The following ZHX2 variants were observed in gnomAD, a reference collection of about 807,000 sequenced individuals.
ZHX2 encodes zinc fingers and homeoboxes 2.
Under a neutral mutation model 21.9 loss-of-function variants are expected in ZHX2, and 6 were observed. The ratio of observed to expected loss-of-function variants is 0.27; its 90% CI spans 0.15 to 0.54. The LOEUF (loss-of-function observed/expected upper bound fraction) is 0.54. ZHX2 is among the 20% of genes least tolerant of loss of function. The probability of loss-of-function intolerance (pLI) is 0.95; values close to 1 mark genes in which losing one functional copy is unlikely to be tolerated. For missense variants in ZHX2, 908 were observed against 1,090.7 expected (o/e 0.83, Z 2.36); for synonymous variants, 434 against 437.1 (o/e 0.99, Z 0.09).
At chr8:122,885,049 G>T (rs1819807127) in intron 2 of ZHX2, among the ~76,000 whole-genome samples, 1 of 152,222 alleles carries the variant, frequency 6.6e-6, no homozygotes, top group African/African-American at 2.4e-5. Flanking sequence ...GGCAAGAGGT[G>T]ACGATGGCTT....
intron 1 of ZHX2, among the ~76,000 whole-genome samples, chr8:122,811,503 G>A (rs758806173): frequency 1.3e-5 from 2 of 152,218 alleles, no homozygotes; most frequent in African/African-American, 4.8e-5. Context: ...TCCACGCCAT[G>A]GAAGAACCAG....
chr8:122,939,305 C>T (rs528369456), intron 2 of ZHX2, among the ~76,000 whole-genome samples: 1 of 152,334 alleles, frequency 6.6e-6, no homozygotes, highest in Admixed American at 6.5e-5. Context: ...GCACGTCTCC[C>T]ACTCAGGAGC....
At chr8:122,928,347 T>C (rs778864634) in intron 2 of ZHX2, among the ~76,000 whole-genome samples, 3 of 152,316 alleles carry the variant, frequency 2.0e-5, no homozygotes, top group East Asian at 3.9e-4. Context: ...GGGGTCTGTC[T>C]GGCAAATCAT....
intron 1 of ZHX2, among the ~76,000 whole-genome samples, chr8:122,839,525 A>G (rs1270215347): frequency 6.6e-6 from 1 of 152,142 alleles, no homozygotes; most frequent in East Asian, 1.9e-4. Flanking sequence ...AAGAACCTCA[A>G]TGATATGTTT....
At chr8:122,884,186 A>G (rs75156433) in intron 2 of ZHX2, among the ~76,000 whole-genome samples, 3,091 of 152,334 alleles carry the variant, frequency 0.02, 59 homozygotes, top group Middle Eastern at 0.044. Context: ...CAGTCAAAAT[A>G]CAGTATCCTA....
At chr8:122,920,758 G>T (rs1293865421) in intron 2 of ZHX2, among the ~76,000 whole-genome samples, 1 of 152,192 alleles carries the variant, frequency 6.6e-6, no homozygotes, top group Non-Finnish European at 1.5e-5. Context: ...GAATAGAAAT[G>T]AGAGGTAGAG....
chr8:122,828,265 G>A lies in ZHX2; in HGVS notation c.-282-35212G>A, dbSNP rs1818303656. ...AAGCACAGACCTAGGGCTTAGGAGA[G>A]GAATGAAACAAAAATTCCTGTTTCT... On this transcript the variant is annotated intron_variant, in intron 1 of 3. Coordinates refer to ENST00000314393, the MANE Select transcript of ZHX2 (RefSeq NM_014943.5). This position sits in a 1 kb window ranked among gnomAD's most constrained non-coding sequence, Gnocchi z 5.2. Among the ~76,000 whole-genome samples the A allele has an allele frequency of 6.6e-6, 1 of 152,146 alleles. No homozygotes were observed. Among genetic ancestry groups the A allele is most frequent in the African/African-American group, 2.4e-5 (1 of 41,424 alleles).
intron 1 of ZHX2, among the ~76,000 whole-genome samples, chr8:122,850,023 C>A (rs190776762): frequency 1.1e-3 from 167 of 152,348 alleles, no homozygotes; most frequent in Admixed American, 3.8e-3. Context: ...AAAATTAACT[C>A]TTGACTCTTT....
chr8:122,805,623 T>C (rs1265912238), intron 1 of ZHX2, among the ~76,000 whole-genome samples: 17 of 152,128 alleles, frequency 1.1e-4, no homozygotes, highest in Admixed American at 9.8e-4. Flanking sequence ...ATGCCAGGTT[T>C]AAAAGTTCAA....
At chr8:122,941,856 G>C (rs1028632370) in intron 2 of ZHX2, among the ~76,000 whole-genome samples, 2 of 152,160 alleles carry the variant, frequency 1.3e-5, no homozygotes, top group Admixed American at 1.3e-4. Flanking sequence ...GGAGGCTTGG[G>C]TGTAGTAACT....
intron 3 of ZHX2, among the ~76,000 whole-genome samples, chr8:122,963,976 G>A (rs1813519413): frequency 6.6e-6 from 1 of 151,988 alleles, no homozygotes; most frequent in South Asian, 2.1e-4. Flanking sequence ...GTATGGTAGT[G>A]CCACTGATTT....
intron 2 of ZHX2, among the ~76,000 whole-genome samples, chr8:122,907,226 G>A (rs1008499532): frequency 3.6e-4 from 55 of 152,136 alleles, no homozygotes; most frequent in African/African-American, 1.3e-3. Context: ...GATGACATGT[G>A]CCTAAGGTGG....
intron 1 of ZHX2, among the ~76,000 whole-genome samples, chr8:122,849,038 A>C (rs185576155): frequency 6.6e-6 from 1 of 152,210 alleles, no homozygotes; most frequent in African/African-American, 2.4e-5. Flanking sequence ...TAGAATTCTC[A>C]GCAAAGCCCT....
intron 2 of ZHX2, among the ~76,000 whole-genome samples, chr8:122,876,477 G>A (rs778376766): frequency 7.2e-5 from 11 of 152,092 alleles, no homozygotes; most frequent in Admixed American, 6.5e-5. Flanking sequence ...TAGAGGGTCC[G>A]CCAGGACATT....
intron 2 of ZHX2, among the ~76,000 whole-genome samples, chr8:122,903,705 T>C (rs151133434): frequency 6.0e-4 from 91 of 152,184 alleles, no homozygotes; most frequent in African/African-American, 2.0e-3. Context: ...GGGAGTGGCG[T>C]GTTGTTCTGG....
chr8:122,952,018 C>T lies in ZHX2; in HGVS notation c.508C>T (p.Pro170Ser), dbSNP rs372944259. 6.8e-6 allele frequency: 11 copies of T among 1,613,538 alleles called. No homozygotes were observed. In the African/African-American group the frequency reaches 1.2e-4, roughly 18 times the overall value. The change falls in exon 3 of 4, where the codon CCT becomes TCT. Residue 170 changes from proline (P) to serine (S), a missense_variant. By Grantham distance (74) the Pro-to-Ser change is moderately conservative. Coordinates refer to ENST00000314393, the MANE Select transcript of ZHX2 (RefSeq NM_014943.5). This position sits in a 1 kb window ranked among gnomAD's most constrained non-coding sequence, Gnocchi z 6.9. ...TGTCGTGTCCATCACCACCAGTGGCCCTGGAACTGGTGACAGTGATTCTGG... is the reference window on the plus strand; with the variant it reads ...TGTCGTGTCCATCACCACCAGTGGCTCTGGAACTGGTGACAGTGATTCTGG... ...NHVVSITTSG[P>S]GTGDSDSGIS... is the part of the protein sequence containing the mutation.
At chr8:122,825,771 G>A (rs985827105) in intron 1 of ZHX2, among the ~76,000 whole-genome samples, 16 of 152,266 alleles carry the variant, frequency 1.1e-4, no homozygotes, top group African/African-American at 3.6e-4. Context: ...TTCTCCATAT[G>A]CAGGTAAGTG....
intron 2 of ZHX2, among the ~76,000 whole-genome samples, chr8:122,900,633 G>A (rs370679031): frequency 2.6e-4 from 40 of 152,262 alleles, no homozygotes; most frequent in African/African-American, 9.1e-4. Context: ...TTCAATATAC[G>A]TTGGCCCTTA....
intron 1 of ZHX2, among the ~76,000 whole-genome samples, chr8:122,813,253 A>G (rs1401529149): frequency 6.6e-6 from 1 of 152,148 alleles, no homozygotes; most frequent in African/African-American, 2.4e-5. Flanking sequence ...CTCATTTTAC[A>G]GTTGAGGAAA....
Sources: allele counts gnomAD v4.1 joint callset (sites outside exome capture counted in the v4.1 genomes callset), GRCh38; gene constraint gnomAD v4.1.1; non-coding constraint Gnocchi (gnomAD v3.1); transcripts MANE v1.5; gene names NCBI Gene and HGNC (gene_info 2026-07-23, HGNC 2026-07-21).